The following FLI1 variants were observed in gnomAD, a reference collection of about 807,000 sequenced individuals.
FLI1 encodes the protein Fli-1 proto-oncogene, ETS transcription factor, also known as Friend leukemia integration 1 transcription factor.
Under a neutral mutation model 53.1 loss-of-function variants are expected in FLI1, and 13 were observed. The observed-to-expected ratio is 0.24, with a 90% CI of 0.16 to 0.39. The LOEUF is 0.39. FLI1 is among the 10% of genes least tolerant of loss of function. The pLI is 1.00. For missense variants in FLI1, 424 were observed against 600.5 expected, an observed-to-expected ratio of 0.71 and a Z score of 3.07; for synonymous variants, 244 against 236.7, an observed-to-expected ratio of 1.03 and a Z score of -0.28.
intron 4 of FLI1, among the ~76,000 whole-genome samples, chr11:128,776,896 T>G (rs1225708177): frequency 1.3e-5 from 2 of 152,324 alleles, no homozygotes; most frequent in East Asian, 3.9e-4. Flanking sequence ...ACTCCCGGCC[T>G]TCCACGTGGG....
At chr11:128,699,092 T>C (rs1938212354) in intron 1 of FLI1, among the ~76,000 whole-genome samples, 2 of 152,212 alleles carry the variant, frequency 1.3e-5, no homozygotes, top group South Asian at 2.1e-4. Context: ...TATTGGACTA[T>C]TTAAATAAAA....
chr11:128,724,608 C>T (rs1342566800), intron 1 of FLI1, among the ~76,000 whole-genome samples: 2 of 152,162 alleles, frequency 1.3e-5, no homozygotes, highest in Non-Finnish European at 2.9e-5. Flanking sequence ...CTATCCCAAG[C>T]CCTCCTGCCT....
chr11:128,696,128 G>C (rs1304782802), intron 1 of FLI1: 1 of 152,262 alleles, frequency 6.6e-6, no homozygotes, highest in Non-Finnish European at 1.5e-5. Flanking sequence ...AACAGGCTTA[G>C]AGCAGGAACC....
At chr11:128,725,480 G>A (rs1163391232) in intron 1 of FLI1, among the ~76,000 whole-genome samples, 1 of 152,210 alleles carries the variant, frequency 6.6e-6, no homozygotes, top group African/African-American at 2.4e-5. Flanking sequence ...CACACCTCAT[G>A]AGAACTACCC....
At chr11:128,802,356 C>G (rs150277387) in intron 5 of FLI1, among the ~76,000 whole-genome samples, 4 of 152,282 alleles carry the variant, frequency 2.6e-5, no homozygotes, top group African/African-American at 9.6e-5. Flanking sequence ...CTCAGGCTGT[C>G]CTTTGTGCAG....
At chr11:128,738,341 C>T (rs1051086478) in intron 1 of FLI1, among the ~76,000 whole-genome samples, 2 of 152,176 alleles carry the variant, frequency 1.3e-5, no homozygotes, top group African/African-American at 4.8e-5. Flanking sequence ...AAGATATAAA[C>T]AATGCCTTGA....
At chr11:128,691,416 G>A (rs537818051), upstream of FLI1, among the ~76,000 whole-genome samples, 29 of 152,340 alleles carry the variant, frequency 1.9e-4, no homozygotes, top group Middle Eastern at 3.4e-3. Context: ...ATTCCCGCAG[G>A]CATCTAGTCA....
chr11:128,734,606 C>T (rs889720763), intron 1 of FLI1, among the ~76,000 whole-genome samples: 1 of 152,074 alleles, frequency 6.6e-6, no homozygotes, highest in Non-Finnish European at 1.5e-5. Context: ...GCACCAATGC[C>T]CTGGCTGGCG....
intron 1 of FLI1, among the ~76,000 whole-genome samples, chr11:128,741,494 T>A (rs1490405614): frequency 6.6e-6 from 1 of 152,212 alleles, no homozygotes; most frequent in Non-Finnish European, 1.5e-5. Context: ...GGCAACTTAC[T>A]GTGGACTCTC....
chr11:128,800,041 TCGTGGG>T (rs1443879567), intron 5 of FLI1, among the ~76,000 whole-genome samples: 1 of 152,200 alleles, frequency 6.6e-6, no homozygotes, highest in Non-Finnish European at 1.5e-5. Flanking sequence ...ATCTTCCTCC[TCGTGGG>T]CTTGGCTCTC....
intron 1 of FLI1, among the ~76,000 whole-genome samples, chr11:128,745,480 A>G (rs1940340712): frequency 6.6e-6 from 1 of 152,164 alleles, no homozygotes; most frequent in Non-Finnish European, 1.5e-5. Context: ...CCTTGGACAG[A>G]GCAGTTCACC....
intron 1 of FLI1, among the ~76,000 whole-genome samples, chr11:128,728,168 G>T (rs938481212): frequency 6.6e-6 from 1 of 152,246 alleles, no homozygotes; most frequent in African/African-American, 2.4e-5. Flanking sequence ...CAGGCCGGGG[G>T]CTAACGCTGT....
At chr11:128,780,263 C>G (rs1414483929) in intron 4 of FLI1, among the ~76,000 whole-genome samples, 3 of 152,200 alleles carry the variant, frequency 2.0e-5, no homozygotes, top group Admixed American at 6.5e-5. Context: ...TTGTTTTCAT[C>G]TGGAGCTGCT....
At chr11:128,702,047 T>C (rs1396050465) in intron 1 of FLI1, among the ~76,000 whole-genome samples, 1 of 152,214 alleles carries the variant, frequency 6.6e-6, no homozygotes, top group Non-Finnish European at 1.5e-5. Flanking sequence ...TGCTCATGAG[T>C]TGTTTTAAGT....
intron 1 of FLI1, among the ~76,000 whole-genome samples, chr11:128,730,309 TGC>T (rs2135752237): frequency 6.6e-6 from 1 of 152,216 alleles, no homozygotes; most frequent in East Asian, 1.9e-4. Flanking sequence ...TCACCCAGAC[TGC>T]GGGTGTAGGC....
intron 1 of FLI1, among the ~76,000 whole-genome samples, chr11:128,743,010 T>C (rs1940203698): frequency 6.6e-6 from 1 of 152,174 alleles, no homozygotes; most frequent in African/African-American, 2.4e-5. Context: ...TCATTGACTT[T>C]GGGTTTCTCA....
chr11:128,755,157 C>G (rs1388240374), intron 1 of FLI1, among the ~76,000 whole-genome samples: 3 of 152,174 alleles, frequency 2.0e-5, no homozygotes, highest in African/African-American at 7.2e-5. Context: ...CCTGGTCCAC[C>G]CTCCTTAGGA....
chr11:128,714,187 A>G (rs1938906632), intron 1 of FLI1, among the ~76,000 whole-genome samples: 1 of 145,688 alleles, frequency 6.9e-6, no homozygotes, highest in Non-Finnish European at 1.5e-5. Flanking sequence ...TCAACTTGAT[A>G]TAACTCTTCA....
At chr11:128,726,946 G>C (rs1422108663) in intron 1 of FLI1, among the ~76,000 whole-genome samples, 1 of 152,140 alleles carries the variant, frequency 6.6e-6, no homozygotes, top group Non-Finnish European at 1.5e-5. Context: ...GGGGGGAAGA[G>C]GAAGTGTGTT....
Sources: gnomAD v4.1 joint callset for allele counts (sites outside exome capture counted in the v4.1 genomes callset) on GRCh38, gnomAD v4.1.1 for gene constraint, MANE v1.5 for transcripts, NCBI Gene and HGNC (gene_info 2026-07-23, HGNC 2026-07-21) for gene names.